The following IL31 variants were observed in gnomAD, a reference collection of about 807,000 sequenced individuals.
The protein encoded by IL31 is interleukin-31.
In IL31, 8 loss-of-function variants were observed where a neutral mutation model predicts 7.8. The ratio of observed to expected loss-of-function variants is 1.02; its 90% CI spans 0.60 to 1.84. The LOEUF is 1.84. Ranked by LOEUF, IL31 falls within the 40% of genes most tolerant of loss-of-function variation. The pLI is 0.00. For missense variants in IL31, 162 were observed against 205.6 expected, an observed-to-expected ratio of 0.79 and a Z score of 1.30; for synonymous variants, 87 against 86.5, an observed-to-expected ratio of 1.01 and a Z score of -0.03.
In IL31 at chr12:122,173,983, G is replaced by A. The variant is rs377244972; in HGVS notation, c.26C>T (p.Thr9Met). Reference sequence around the variant, plus strand: ...GCAGCAGAACAGAAAGAGCACAGACGTCGAGGGGCCTGGAGAGAGAACGAT... The same window carrying A: ...GCAGCAGAACAGAAAGAGCACAGACATCGAGGGGCCTGGAGAGAGAACGAT... Reference protein sequence around the residue: MASHSGPSTSVLFLFCCLG... With the variant: MASHSGPSMSVLFLFCCLG... Residue 9 changes from threonine to methionine, a missense_variant, in exon 2 of 3, where the codon ACG becomes ATG. Thr to Met is a moderately conservative substitution (Grantham distance 81). Transcript: ENST00000377035. 6.8e-6 allele frequency: 11 copies of A among 1,613,986 alleles called. No homozygotes were observed. The highest frequency in any genetic ancestry group is 4.5e-5 in the East Asian group (2 of 44,894).
rs748536981 is a variant in IL31 at position 122,173,925 on chromosome 12, G to A, written c.84C>T (p.Pro28=). 12 of 1,613,950 alleles carry A rather than the reference G, an allele frequency of 7.4e-6. No individual in the cohort carries two copies. In the East Asian group the frequency reaches 1.6e-4, roughly 21 times the overall value. The change falls in exon 2 of 3, where the codon CCC becomes CCT. Residue 28 remains proline, a synonymous_variant. Coordinates refer to ENST00000377035, the MANE Select transcript of IL31 (RefSeq NM_001014336.2). ...LGGWLASHTL[P]VRLLRPSDDV... Reference sequence around the variant, plus strand: ...CATCACTTGGTCGTAGTAAACGGACGGGCAACGTGTGGGAGGCCAGCCAGC... The same window carrying A: ...CATCACTTGGTCGTAGTAAACGGACAGGCAACGTGTGGGAGGCCAGCCAGC...
chr12:122,172,416 G>A lies in IL31; in HGVS notation c.491C>T (p.Thr164Ile). Residue 164 changes from threonine to isoleucine, a missense_variant, in exon 3 of 3, where the codon ACT becomes ATT. Physicochemically the swap from Thr to Ile is moderately conservative, Grantham distance 89. Transcript: ENST00000377035. ...ATCCGAAAGGAAGAGATGGCCTTAA[G>A]TGGTGGCCTGTTGGGCTCCAGAGGT... ...SLTSGAQQAT[T>I] 1 of 1,610,640 alleles carries A rather than the reference G, an allele frequency of 6.2e-7. No homozygotes were observed. Among genetic ancestry groups the A allele is most frequent in the Non-Finnish European group, 8.5e-7 (1 of 1,177,386 alleles).
chr12:122,174,200 TGG>T lies in IL31; in HGVS notation c.-30_-29del. 1 of 1,613,854 alleles carries T rather than the reference TGG, an allele frequency of 6.2e-7. No homozygotes were observed. Among genetic ancestry groups the T allele is most frequent in the Non-Finnish European group, 8.5e-7 (1 of 1,179,936 alleles). ...CGAGAGAGAGCAAGGCCAGCTTCAG[TGG>T]GGGCTTCTGGAGCCAGATGTGTTCG... On this transcript the variant is annotated 5_prime_UTR_variant, in exon 1 of 3. Transcript: ENST00000377035.
intron 2 of IL31, among the ~76,000 whole-genome samples, chr12:122,173,145 G>A (rs953388525): frequency 3.9e-5 from 6 of 152,026 alleles, no homozygotes; most frequent in East Asian, 1.9e-4. Context: ...AGATGCAGGC[G>A]AGAGTTTTCC....
rs1953491579 is a variant in IL31, at chr12:122,172,240, A to C, written c.*172T>G. 3 of 581,672 alleles carry C rather than the reference A, an allele frequency of 5.2e-6. No homozygotes were observed. In the East Asian group the frequency reaches 8.6e-5, roughly 17 times the overall value. 36.0% of individuals were successfully genotyped at this position (581,672 alleles called of 1,614,324 possible). A position where few individuals can be genotyped will look rare whatever the true frequency, so the allele number is the denominator to read the frequency against. On this transcript the variant is annotated 3_prime_UTR_variant, in exon 3 of 3. Transcript: ENST00000377035. ...ACAATAACCTAATGTTTTTCAAGGT[A>C]ATTCACAAATTCACATCTCAGCCCT...
In IL31 at chr12:122,172,424, C is replaced by G. The variant is rs768738524; in HGVS notation, c.483G>C (p.Gln161His). ...GGAAGAGATGGCCTTAAGTGGTGGC[C>G]TGTTGGGCTCCAGAGGTCAATGATT... ...ALKSLTSGAQ[Q>H]ATT Residue 161 changes from glutamine to histidine, a missense_variant, in exon 3 of 3, where the codon CAG (glutamine) becomes CAC (histidine). Coordinates refer to ENST00000377035, the MANE Select transcript of IL31 (RefSeq NM_001014336.2). 6.2e-6 allele frequency: 10 copies of G among 1,612,450 alleles called. No individual in the cohort carries two copies. The African/African-American group carries it at 6.7e-5, about 11-fold the overall frequency.
At position 122,172,695 on chromosome 12, in the gene IL31, G is replaced by A. The variant is rs1259190864; in HGVS notation, c.212C>T (p.Pro71Leu). Residue 71 changes from proline to leucine, a missense_variant, in exon 3 of 3, where the codon CCG becomes CTG. Pro to Leu is a moderately conservative substitution (Grantham distance 98). Coordinates refer to ENST00000377035, the MANE Select transcript of IL31 (RefSeq NM_001014336.2). ...CGGCTGGGCGTCAGGGCTGAGACAC[G>A]GCAGCGTGTAATTCTGGGACACGAG... ...GVLVSQNYTL[P>L]CLSPDAQPPN... 1.9e-6 allele frequency: 3 copies of A among 1,613,992 alleles called. No individual in the cohort carries two copies. The highest frequency in any genetic ancestry group is 2.5e-6 in the Non-Finnish European group (3 of 1,179,990).
At position 122,172,542 on chromosome 12, in the gene IL31, G is replaced by T; in HGVS notation, c.365C>A (p.Thr122Lys). The T allele has an allele frequency of 3.1e-6, 5 of 1,614,104 alleles. No homozygotes were observed. Among genetic ancestry groups the T allele is most frequent in the Non-Finnish European group, 4.2e-6 (5 of 1,179,948 alleles). The change falls in exon 3 of 3, where the codon ACA (threonine) becomes AAA (lysine). Residue 122 changes from threonine (T) to lysine (K), a missense_variant. Transcript: ENST00000377035. Reference protein sequence around the residue: ...DKLIFQDAPETNISVPTDTHE... With the variant: ...DKLIFQDAPEKNISVPTDTHE... ...GGTGTCTGTTGGCACAGAAATGTTT[G>T]TTTCTGGTGCATCTTGAAATATGAG...
Position 122,172,530 on chromosome 12 carries a change from A to G in IL31, c.377T>C (p.Val126Ala). 6.2e-7 allele frequency: 1 copy of G among 1,614,178 alleles called. No individual in the cohort carries two copies. The highest frequency in any genetic ancestry group is 8.5e-7 in the Non-Finnish European group (1 of 1,180,008). The change falls in exon 3 of 3, where the codon GTG (valine) becomes GCG (alanine). Residue 126 changes from valine (V) to alanine (A), a missense_variant. Coordinates refer to ENST00000377035, the MANE Select transcript of IL31 (RefSeq NM_001014336.2). ...TTTACATTCATGGGTGTCTGTTGGC[A>G]CAGAAATGTTTGTTTCTGGTGCATC... ...FQDAPETNIS[V>A]PTDTHECKRF...
rs1289346592 is a variant in IL31 at position 122,172,730 on chromosome 12, C to T, written c.177G>A (p.Glu59=). 1.2e-6 allele frequency: 2 copies of T among 1,609,150 alleles called. No homozygotes were observed. The highest frequency in any genetic ancestry group is 1.7e-6 in the Non-Finnish European group (2 of 1,177,566). Residue 59 remains glutamate (E), a synonymous_variant, in exon 3 of 3, where the codon GAG becomes GAA. Coordinates refer to ENST00000377035, the MANE Select transcript of IL31 (RefSeq NM_001014336.2). Reference sequence around the variant, plus strand: ...AATTCTGGGACACGAGCACGCCCTTCTCTTCCTCCACCTGTGGAATGAGGA... The same window carrying T: ...AATTCTGGGACACGAGCACGCCCTTTTCTTCCTCCACCTGTGGAATGAGGA... The part of the protein sequence containing the change: ...SKMLLKDVEE[E]KGVLVSQNYT...
chr12:122,172,409 G>C lies in IL31; in HGVS notation c.*3C>G, dbSNP rs1182530010. The C allele has an allele frequency of 1.2e-6, 2 of 1,605,542 alleles. No homozygotes were observed. Among genetic ancestry groups the C allele is most frequent in the Admixed American group, 3.4e-5 (2 of 59,662 alleles). ...CCTGCCAATCCGAAAGGAAGAGATG[G>C]CCTTAAGTGGTGGCCTGTTGGGCTC... On this transcript the variant is annotated 3_prime_UTR_variant, in exon 3 of 3. Transcript: ENST00000377035.
At chr12:122,172,772 G>T (rs1953498858) in intron 2 of IL31, 31 bp from the exon 3 acceptor site, 3 of 1,529,626 alleles carry the variant, frequency 2.0e-6, no homozygotes, top group Non-Finnish European at 2.7e-6. Context: ...GTCAGTGTTG[G>T]GTTTGCAATG....
Position 122,172,738 on chromosome 12 carries a change from C to T in IL31, c.169G>A (p.Glu57Lys). 6.2e-7 allele frequency: 1 copy of T among 1,604,818 alleles called. No homozygotes were observed. The highest frequency in any genetic ancestry group is 8.5e-7 in the Non-Finnish European group (1 of 1,175,258). ...GACACGAGCACGCCCTTCTCTTCCT[C>T]CACCTGTGGAATGAGGAGAAATGGT... ...SLSKMLLKDV[E>K]EEKGVLVSQN... The change falls in exon 3 of 3, where the codon GAG (glutamate) becomes AAG (lysine). Residue 57 changes from glutamate (E) to lysine (K), a missense_variant. By Grantham distance (56) the Glu-to-Lys change is moderately conservative. Coordinates refer to ENST00000377035, the MANE Select transcript of IL31 (RefSeq NM_001014336.2).
Position 122,174,007 on chromosome 12 carries a change from A to G in IL31, c.17-15T>C. 4 of 1,613,914 alleles carry G rather than the reference A, an allele frequency of 2.5e-6. No homozygotes were observed. The highest frequency in any genetic ancestry group is 3.4e-6 in the Non-Finnish European group (4 of 1,179,916). On this transcript the variant is annotated splice_polypyrimidine_tract_variant and intron_variant, in intron 1 of 2. Coordinates refer to ENST00000377035, the MANE Select transcript of IL31 (RefSeq NM_001014336.2). ...CGTCGAGGGGCCTGGAGAGAGAACG[A>G]TGCCGTGAGCGCATACATCACACAC...
chr12:122,173,911 C>T lies in IL31; in HGVS notation c.98G>A (p.Arg33Gln), dbSNP rs756327888. 1.7e-5 allele frequency: 27 copies of T among 1,613,938 alleles called. No homozygotes were observed. The highest frequency in any genetic ancestry group is 1.6e-4 in the Middle Eastern group (1 of 6,084). Residue 33 changes from arginine (R) to glutamine (Q), a missense_variant, in exon 2 of 3, where the codon CGA becomes CAA. By Grantham distance (43) the Arg-to-Gln change is conservative (BLOSUM62 1). Coordinates refer to ENST00000377035, the MANE Select transcript of IL31 (RefSeq NM_001014336.2). ...TATTTTCTGTACATCATCACTTGGT[C>T]GTAGTAAACGGACGGGCAACGTGTG... is the stretch of plus-strand genomic sequence containing the variant. ...ASHTLPVRLL[R>Q]PSDDVQKIVE...
rs775193156 is a variant in IL31 at position 122,173,863 on chromosome 12, G to A, written c.146C>T (p.Ser49Leu). 8.1e-6 allele frequency: 13 copies of A among 1,613,804 alleles called. No homozygotes were observed. Among genetic ancestry groups the A allele is most frequent in the East Asian group, 2.2e-5 (1 of 44,894 alleles). The change falls in exon 2 of 3, where the codon TCG becomes TTG. Residue 49 changes from serine (S) to leucine (L), a missense_variant. Ser to Leu is a moderately radical substitution (Grantham distance 145). Transcript: ENST00000377035. ...ACTCACATCTTTCAAAAGCATCTTC[G>A]AGAGGGACTGTAATTCCTCGACTAT... is the stretch of plus-strand genomic sequence containing the variant. ...QKIVEELQSLSKMLLKDVEEE... is the reference protein window; with the variant it reads ...QKIVEELQSLLKMLLKDVEEE...
chr12:122,174,066 G>C, intron 1 of IL31, 74 bp from the exon 2 acceptor site: 1 of 1,613,594 alleles, frequency 6.2e-7, no homozygotes, highest in Non-Finnish European at 8.5e-7. Context: ...CTGCAGCCCT[G>C]CTGAGCCAAC....
Position 122,173,973 on chromosome 12 carries a change from G to A in IL31, c.36C>T (p.Leu12=). Residue 12 remains leucine, a synonymous_variant, in exon 2 of 3, where the codon CTC becomes CTT. Coordinates refer to ENST00000377035, the MANE Select transcript of IL31 (RefSeq NM_001014336.2). Reference sequence around the variant, plus strand: ...AGCCTCCCAGGCAGCAGAACAGAAAGAGCACAGACGTCGAGGGGCCTGGAG... The same window carrying A: ...AGCCTCCCAGGCAGCAGAACAGAAAAAGCACAGACGTCGAGGGGCCTGGAG... ...ASHSGPSTSV[L]FLFCCLGGWL... 1.2e-6 allele frequency: 2 copies of A among 1,614,160 alleles called. No individual in the cohort carries two copies. The highest frequency in any genetic ancestry group is 1.7e-6 in the Non-Finnish European group (2 of 1,180,040).
intron 2 of IL31, among the ~76,000 whole-genome samples, chr12:122,173,203 G>T (rs371198975): frequency 5.7e-4 from 87 of 152,022 alleles, no homozygotes; most frequent in African/African-American, 2.0e-3. Context: ...CTCTTTCTAA[G>T]TACTAACTAG....
Sources: gnomAD v4.1 joint callset for allele counts (sites outside exome capture counted in the v4.1 genomes callset) on GRCh38, gnomAD v4.1.1 for gene constraint, MANE v1.5 for transcripts, NCBI Gene and HGNC (gene_info 2026-07-23, HGNC 2026-07-21) for gene names.